FOCAD: variants seen among roughly 807,000 people sequenced by gnomAD.
The protein encoded by FOCAD is focadhesin, also known as KIAA1797.
FOCAD carries 198 observed loss-of-function variants against 225.6 expected under a neutral mutation model. The ratio of observed to expected loss-of-function variants is 0.88; its 90% CI spans 0.78 to 0.99. FOCAD has a LOEUF of 0.99. Among genes scored for constraint, FOCAD ranks in the 50% least tolerant of loss-of-function variants. FOCAD has a pLI of 0.00. For missense variants in FOCAD, 2,713 were observed against 2,123.6 expected (o/e 1.28, Z -5.46); for synonymous variants, 897 against 755.0 (o/e 1.19, Z -3.08).
At chr9:20,660,670 A>G (rs754489768) in intron 2 of FOCAD, among the ~76,000 whole-genome samples, 1 of 152,224 alleles carries the variant, frequency 6.6e-6, no homozygotes, top group Admixed American at 6.5e-5. Flanking sequence ...AACAGTATCA[A>G]TGCCACAGAG....
At chr9:20,958,400 TA>T (rs946602622) in intron 35 of FOCAD, among the ~76,000 whole-genome samples, 1 of 147,906 alleles carries the variant, frequency 6.8e-6, no homozygotes, top group African/African-American at 2.4e-5. Flanking sequence ...TTGAAATTTT[TA>T]AAAAAAATTT....
intron 23 of FOCAD, among the ~76,000 whole-genome samples, chr9:20,914,403 AAAAT>A (rs1833705992): frequency 6.6e-6 from 1 of 152,162 alleles, no homozygotes; most frequent in African/African-American, 2.4e-5. Context: ...TCATGGAAGA[AAAAT>A]AAAGTACGAT....
chr9:20,881,969 C>T lies in FOCAD; in HGVS notation c.2416C>T (p.Gln806Ter). 6.2e-7 allele frequency: 1 copy of T among 1,613,868 alleles called. No individual in the cohort carries two copies. The highest frequency in any genetic ancestry group is 8.5e-7 in the Non-Finnish European group (1 of 1,179,862). Reference sequence around the variant, plus strand: ...ATTAAAAGGAGGTGCCCGCTCAGACCAAGGAAAGACTGTAGCAGGAATCCC... The same window carrying T: ...ATTAAAAGGAGGTGCCCGCTCAGACTAAGGAAAGACTGTAGCAGGAATCCC... ...SALKGGARSD[Q>*]GKTVAGIPNF... Residue 806 changes from glutamine (Q) to a stop codon, truncating the protein, a stop_gained, in exon 20 of 44, where the codon CAA becomes TAA. Coordinates refer to ENST00000338382, the MANE Select transcript of FOCAD (RefSeq NM_001375567.1). LOFTEE classifies it high-confidence loss of function.
chr9:20,959,316 A>G (rs1176532715), intron 35 of FOCAD, among the ~76,000 whole-genome samples: 6 of 151,930 alleles, frequency 3.9e-5, no homozygotes, highest in Admixed American at 3.9e-4. Context: ...CAGTTTTTTC[A>G]TATATTTATT....
Position 20,948,893 on chromosome 9 carries a change from G to A in FOCAD, c.3841G>A (p.Val1281Met). 6.2e-7 allele frequency: 1 copy of A among 1,613,546 alleles called. No individual in the cohort carries two copies. Among genetic ancestry groups the A allele is most frequent in the Non-Finnish European group, 8.5e-7 (1 of 1,179,554 alleles). Residue 1281 changes from valine to methionine, a missense_variant, in exon 32 of 44, where the codon GTG (valine) becomes ATG (methionine). Transcript: ENST00000338382. ...MLCLAALHGM[V>M]ALVGSEGDVM... ...TTGTCTGGCAGCTCTTCATGGCATGGTGGCCTTGGTAGGCTCTGAAGGGGA... is the reference window on the plus strand; with the variant it reads ...TTGTCTGGCAGCTCTTCATGGCATGATGGCCTTGGTAGGCTCTGAAGGGGA...
At chr9:20,757,108 T>C (rs1460066172) in intron 5 of FOCAD, among the ~76,000 whole-genome samples, 1 of 152,156 alleles carries the variant, frequency 6.6e-6, no homozygotes, top group Non-Finnish European at 1.5e-5. Context: ...TTTGTATTTT[T>C]AGTAGAGACA....
chr9:20,757,519 A>G (rs1829164078), intron 5 of FOCAD, among the ~76,000 whole-genome samples: 1 of 152,208 alleles, frequency 6.6e-6, no homozygotes, highest in African/African-American at 2.4e-5. Context: ...CAGAAATTTT[A>G]TGCATCTTCA....
At chr9:20,853,839 T>G (rs1041316175) in intron 15 of FOCAD, among the ~76,000 whole-genome samples, 8 of 151,808 alleles carry the variant, frequency 5.3e-5, no homozygotes, top group Non-Finnish European at 1.0e-4. Flanking sequence ...TTTAAAATAC[T>G]TAACAACCCC....
At chr9:20,927,338 C>T (rs1301797331) in intron 26 of FOCAD, among the ~76,000 whole-genome samples, 2 of 151,964 alleles carry the variant, frequency 1.3e-5, no homozygotes, top group East Asian at 1.9e-4. Flanking sequence ...GCCCTTGCTC[C>T]CCACTTCTTG....
chr9:20,865,237 A>T (rs996218992), intron 16 of FOCAD, among the ~76,000 whole-genome samples: 17 of 152,166 alleles, frequency 1.1e-4, no homozygotes, highest in African/African-American at 3.6e-4. Flanking sequence ...CAAGGAAATT[A>T]TTTGTGCTAT....
intron 11 of FOCAD, among the ~76,000 whole-genome samples, chr9:20,799,101 T>C (rs999983103): frequency 1.1e-4 from 17 of 152,242 alleles, no homozygotes; most frequent in Admixed American, 6.5e-4. Flanking sequence ...TCATTTGTTA[T>C]GTACCCAGTA....
At chr9:20,686,113 T>A (rs1822649228) in intron 1 of FOCAD, among the ~76,000 whole-genome samples, 1 of 152,194 alleles carries the variant, frequency 6.6e-6, no homozygotes, top group South Asian at 2.1e-4. Context: ...CTATTAGGAG[T>A]TTGGAAAATT....
intron 5 of FOCAD, among the ~76,000 whole-genome samples, chr9:20,756,216 G>T (rs565784613): frequency 6.6e-6 from 1 of 152,080 alleles, no homozygotes; most frequent in Admixed American, 6.6e-5. Flanking sequence ...TAGCATTCCC[G>T]TCAGTCAGAA....
At chr9:20,802,837 G>A (rs1300998030) in intron 11 of FOCAD, among the ~76,000 whole-genome samples, 4 of 152,116 alleles carry the variant, frequency 2.6e-5, no homozygotes, top group Non-Finnish European at 5.9e-5. Flanking sequence ...ATTTGCTTTA[G>A]CACAATGAAT....
intron 25 of FOCAD, among the ~76,000 whole-genome samples, chr9:20,925,113 G>T (rs532469147): frequency 2.6e-5 from 4 of 152,154 alleles, no homozygotes; most frequent in Non-Finnish European, 5.9e-5. Flanking sequence ...TTGCATGAAT[G>T]ATATTAGTTA....
chr9:20,940,098 G>C (rs553755031), intron 28 of FOCAD, among the ~76,000 whole-genome samples: 1 of 152,118 alleles, frequency 6.6e-6, no homozygotes, highest in East Asian at 1.9e-4. Context: ...AGAGAGAGAC[G>C]GGTAGGCCTG....
At chr9:20,711,147 G>C (rs1021876552) in intron 1 of FOCAD, among the ~76,000 whole-genome samples, 6 of 152,220 alleles carry the variant, frequency 3.9e-5, no homozygotes, top group Admixed American at 1.3e-4. Context: ...GATGTAGCTA[G>C]TTGGAAGAGG....
At chr9:20,791,783 T>C (rs566732370) in intron 11 of FOCAD, among the ~76,000 whole-genome samples, 1 of 152,182 alleles carries the variant, frequency 6.6e-6, no homozygotes, top group African/African-American at 2.4e-5. Context: ...AGGTCTAAAA[T>C]TGTTTCTGCC....
intron 5 of FOCAD, among the ~76,000 whole-genome samples, chr9:20,753,024 T>C (rs1349544728): frequency 1.3e-5 from 2 of 151,968 alleles, no homozygotes. Context: ...CCTGAGACTT[T>C]GCTGAAGTTG....
Sources: allele counts gnomAD v4.1 joint callset (sites outside exome capture counted in the v4.1 genomes callset), GRCh38; gene constraint gnomAD v4.1.1; transcripts MANE v1.5; gene names NCBI Gene and HGNC (gene_info 2026-07-23, HGNC 2026-07-21).